The following ITGA7 variants were observed in gnomAD, a reference collection of about 807,000 sequenced individuals.
ITGA7 encodes the protein integrin subunit alpha 7.
A neutral mutation model predicts 131.6 loss-of-function variants in ITGA7; 84 were observed. The observed-to-expected ratio is 0.64, with a 90% CI of 0.54 to 0.77. ITGA7 has a LOEUF of 0.77. Among genes scored for constraint, ITGA7 ranks in the 30% least tolerant of loss-of-function variants. The pLI, the probability that ITGA7 is intolerant of heterozygous loss-of-function variation, is 0.00. For missense variants in ITGA7, 1,399 were observed against 1,482.9 expected, an observed-to-expected ratio of 0.94 and a Z score of 0.93; for synonymous variants, 548 against 600.7, an observed-to-expected ratio of 0.91 and a Z score of 1.28.
At chr12:55,714,450 G>A (rs1483848239), upstream of ITGA7, among the ~76,000 whole-genome samples, 3 of 150,844 alleles carry the variant, frequency 2.0e-5, no homozygotes, top group African/African-American at 4.9e-5. Flanking sequence ...CCCGGGAGGC[G>A]GAGCTTGCAG....
At chr12:55,702,847 T>C in intron 3 of ITGA7, 25 bp downstream of exon 3, 6 of 1,591,480 alleles carry the variant, frequency 3.8e-6, no homozygotes, top group Non-Finnish European at 5.2e-6. Flanking sequence ...CATCCGTGCA[T>C]TCAGTCATGA....
intron 24 of ITGA7, among the ~76,000 whole-genome samples, chr12:55,687,271 G>A (rs181263445): frequency 8.5e-5 from 12 of 140,974 alleles, no homozygotes; most frequent in Admixed American, 1.5e-4. Flanking sequence ...TCCACCTCCC[G>A]GGTTCAAGCG....
At position 55,697,688 on chromosome 12, in the gene ITGA7, G is replaced by C. The variant is rs974347459; in HGVS notation, c.1409+7C>G. Reference sequence around the variant, plus strand: ...CTCAGGGAGGGAAAAGGTTGAGAGGGGCTCACCTGAAGAGCACTGCGGTGT... The same window carrying C: ...CTCAGGGAGGGAAAAGGTTGAGAGGCGCTCACCTGAAGAGCACTGCGGTGT... On this transcript the variant is annotated splice_region_variant and intron_variant, in intron 9 of 24. Transcript: ENST00000257879. The C allele has an allele frequency of 1.9e-6, 3 of 1,614,034 alleles. No individual in the cohort carries two copies. In the African/African-American group the frequency reaches 4.0e-5, roughly 22 times the overall value.
At chr12:55,699,789 G>A (rs1873538235) in intron 5 of ITGA7, 81 bp downstream of exon 5, 1 of 1,503,918 alleles carries the variant, frequency 6.6e-7, no homozygotes, top group South Asian at 1.2e-5. Context: ...GAGATTATAA[G>A]GCACCAAAGG....
At position 55,698,839 on chromosome 12, in the gene ITGA7, T is replaced by A. The variant is rs768849068; in HGVS notation, c.869A>T (p.His290Leu). ...GCGCAGGATGACCACAGCACCCTTG[T>A]GGTTGGCGCGGGGGGCTCCAGCCAC... ...SFVAGAPRAN[H>L]KGAVVILRKD... The change falls in exon 6 of 25, where the codon CAC becomes CTC. Residue 290 changes from histidine to leucine, a missense_variant. Coordinates refer to ENST00000257879, the MANE Select transcript of ITGA7 (RefSeq NM_002206.3). 6.2e-7 allele frequency: 1 copy of A among 1,613,830 alleles called. No homozygotes were observed. The highest frequency in any genetic ancestry group is 1.1e-5 in the South Asian group (1 of 91,082).
upstream of ITGA7, among the ~76,000 whole-genome samples, chr12:55,709,978 T>C (rs1875921627): frequency 6.6e-6 from 1 of 152,230 alleles, no homozygotes; most frequent in South Asian, 2.1e-4. Context: ...ACCAGCCTAG[T>C]AAATTTAGAC....
chr12:55,698,361 C>A, intron 7 of ITGA7, 22 bp downstream of exon 7: 4 of 1,591,828 alleles, frequency 2.5e-6, no homozygotes, highest in Non-Finnish European at 2.6e-6. Flanking sequence ...CCTCCCTGAG[C>A]CTTTCCAGTT....
chr12:55,695,272 AC>A (rs1872393545), intron 14 of ITGA7: 1 of 597,712 alleles, frequency 1.7e-6, no homozygotes. Context: ...TTGAAGACTA[AC>A]CAATGAGATG....
intron 22 of ITGA7, 86 bp from the exon 23 acceptor site, chr12:55,688,386 G>A (rs1870711767): frequency 8.1e-6 from 8 of 984,942 alleles, no homozygotes; most frequent in Non-Finnish European, 1.3e-5. Flanking sequence ...TAAATGTAAT[G>A]GTGCCCAACA....
Position 55,698,424 on chromosome 12 carries a change from C to G in ITGA7, c.1151G>C (p.Ser384Thr). 6.2e-7 allele frequency: 1 copy of G among 1,613,722 alleles called. No homozygotes were observed. The highest frequency in any genetic ancestry group is 8.5e-7 in the Non-Finnish European group (1 of 1,179,748). The stretch of plus-strand genomic sequence containing the variant: ...GTTGAGGTCCCCCAGGACAGCCAGG[C>G]TGATCCCGAACATGGAGTCAGGGGA... ...CGSPDSMFGI[S>T]LAVLGDLNQD... The change falls in exon 7 of 25, where the codon AGC (serine) becomes ACC (threonine). Residue 384 changes from serine (S) to threonine (T), a missense_variant. Ser to Thr is a moderately conservative substitution (Grantham distance 58). Transcript: ENST00000257879.
intron 5 of ITGA7, chr12:55,699,667 C>T (rs1405347291): frequency 1.2e-5 from 8 of 641,756 alleles, no homozygotes; most frequent in Non-Finnish European, 1.9e-5. Context: ...CTCACAGCCC[C>T]AGAGGCCACC....
At position 55,705,089 on chromosome 12, in the gene ITGA7, G is replaced by A. The variant is rs116890924; in HGVS notation, c.207-1911C>T. Among the ~76,000 whole-genome samples, 1,032 of 152,278 alleles carry A rather than the reference G, an allele frequency of 6.8e-3. 5 individuals are homozygous for A. The highest frequency in any genetic ancestry group is 9.9e-3 in the Non-Finnish European group (674 of 68,020). On this transcript the variant is annotated intron_variant, in intron 1 of 24. Transcript: ENST00000257879. ...AGTGCATAGCTAAGCACCCAGATAA[G>A]TTATCCTTGTTCTATGTTCACATCT...
chr12:55,700,280 G>C (rs774495219), intron 4 of ITGA7: 2 of 1,607,314 alleles, frequency 1.2e-6, no homozygotes, highest in Non-Finnish European at 1.7e-6. Flanking sequence ...CTGTTGGCAG[G>C]GACCGGGATG....
chr12:55,701,270 T>C (rs1182440408), intron 3 of ITGA7, 116 bp from the exon 4 acceptor site: 5 of 1,566,050 alleles, frequency 3.2e-6, no homozygotes, highest in Non-Finnish European at 4.4e-6. Context: ...CACATGCACA[T>C]GCACATGCAC....
chr12:55,693,445 C>A, intron 19 of ITGA7, 128 bp from the exon 20 acceptor site: 1 of 827,530 alleles, frequency 1.2e-6, no homozygotes, highest in Non-Finnish European at 1.9e-6. Flanking sequence ...AGTGATCCTG[C>A]CACCTTGGCC....
In ITGA7 at chr12:55,699,477, G is replaced by A. The variant is rs766196442; in HGVS notation, c.790+393C>T. On this transcript the variant is annotated intron_variant, in intron 5 of 24. Transcript: ENST00000257879. Reference sequence around the variant, plus strand: ...AGGCCTGGTTTCCTCCTCCTCTGCAGAGGAATGCAGATGAGACAACGAGAG... The same window carrying A: ...AGGCCTGGTTTCCTCCTCCTCTGCAAAGGAATGCAGATGAGACAACGAGAG... 23 of 306,408 alleles carry A rather than the reference G, an allele frequency of 7.5e-5. 1 individual carries two copies. Among genetic ancestry groups the A allele is most frequent in the Non-Finnish European group, 1.3e-4 (21 of 159,438 alleles). The allele number at this position is 306,408 out of a possible 1,614,324, so 19.0% of individuals were successfully genotyped here.
upstream of ITGA7, among the ~76,000 whole-genome samples, chr12:55,714,748 G>A (rs143527837): frequency 1.2e-3 from 175 of 149,062 alleles, no homozygotes; most frequent in Non-Finnish European, 2.0e-3. Flanking sequence ...ACATATATAC[G>A]TATACATACA....
intron 3 of ITGA7, among the ~76,000 whole-genome samples, chr12:55,701,694 C>A (rs1378474018): frequency 6.6e-6 from 1 of 152,118 alleles, no homozygotes; most frequent in African/African-American, 2.4e-5. Flanking sequence ...GATCCTCCCA[C>A]CTCAGCCTCC....
Position 55,697,961 on chromosome 12 carries a change from C to A in ITGA7, c.1258G>T (p.Gly420Trp). ...ACCTGTGAAGGTTTGGCGACAACCC[C>A]CAGGCTGCTCCCATGGTAGATGAAG... ...KVFIYHGSSL[G>W]VVAKPSQVLE... The change falls in exon 8 of 25, where the codon GGG becomes TGG. Residue 420 changes from glycine to tryptophan, a missense_variant. Gly to Trp is a radical substitution (Grantham distance 184). Coordinates refer to ENST00000257879, the MANE Select transcript of ITGA7 (RefSeq NM_002206.3). The A allele has an allele frequency of 6.2e-7, 1 of 1,614,144 alleles. No individual in the cohort carries two copies. The highest frequency in any genetic ancestry group is 1.3e-5 in the African/African-American group (1 of 75,016).
Sources: gnomAD v4.1 joint callset for allele counts (sites outside exome capture counted in the v4.1 genomes callset) on GRCh38, gnomAD v4.1.1 for gene constraint, MANE v1.5 for transcripts, NCBI Gene and HGNC (gene_info 2026-07-23, HGNC 2026-07-21) for gene names.